Variants in EIF3J observed in about 807,000 individuals in gnomAD.
EIF3J encodes the protein eukaryotic translation initiation factor 3 subunit J, also known as eukaryotic translation initiation factor 3, subunit 1 (alpha, 35kD).
In EIF3J, 15 loss-of-function variants were observed where a neutral mutation model predicts 39.0. The ratio of observed to expected loss-of-function variants is 0.38; its 90% CI spans 0.26 to 0.59. EIF3J has a LOEUF of 0.59. Ranked by LOEUF, EIF3J falls within the 20% of genes least tolerant of loss-of-function variation. The probability of loss-of-function intolerance (pLI) is 0.60; values close to 1 mark genes in which losing one functional copy is unlikely to be tolerated. For missense variants in EIF3J, 226 were observed against 308.6 expected (o/e 0.73, Z 2.00); for synonymous variants, 98 against 112.9 (o/e 0.87, Z 0.84).
chr15:44,537,584 G>A (rs907463176), intron 2 of EIF3J, among the ~76,000 whole-genome samples, 157 bp downstream of exon 2: 11 of 152,192 alleles, frequency 7.2e-5, no homozygotes, highest in Non-Finnish European at 1.3e-4. Context: ...TGCCGGCCAT[G>A]TGTGGGCCGA....
intron 2 of EIF3J, among the ~76,000 whole-genome samples, chr15:44,538,389 A>G (rs2081979272): frequency 6.6e-6 from 1 of 152,060 alleles, no homozygotes; most frequent in Non-Finnish European, 1.5e-5. Context: ...TGTGCAGATA[A>G]AGTTTTGTGT....
intron 7 of EIF3J, 57 bp downstream of exon 7, chr15:44,560,379 A>C: frequency 1.3e-6 from 2 of 1,491,938 alleles, no homozygotes; most frequent in Non-Finnish European, 1.8e-6. Context: ...TTATAGGTCT[A>C]ACAGTCAACA....
intron 6 of EIF3J, 34 bp downstream of exon 6, chr15:44,557,684 G>T: frequency 7.2e-7 from 1 of 1,382,558 alleles, no homozygotes; most frequent in South Asian, 1.9e-5. Context: ...CCTCTGGGTA[G>T]ATTTTTAGTA....
chr15:44,551,344 C>G (rs2082097427), intron 3 of EIF3J, 87 bp from the exon 4 acceptor site: 1 of 873,754 alleles, frequency 1.1e-6, no homozygotes, highest in Non-Finnish European at 1.8e-6. Flanking sequence ...GGTTTGGTCT[C>G]TTAATAGTAT....
chr15:44,542,712 T>C (rs952682878), intron 2 of EIF3J, among the ~76,000 whole-genome samples: 4 of 152,234 alleles, frequency 2.6e-5, no homozygotes, highest in African/African-American at 7.2e-5. Flanking sequence ...ATCTCTTTCA[T>C]AGAAATAGCT....
At chr15:44,553,314 A>C (rs956264707) in intron 4 of EIF3J, among the ~76,000 whole-genome samples, 1 of 151,780 alleles carries the variant, frequency 6.6e-6, no homozygotes, top group Non-Finnish European at 1.5e-5. Flanking sequence ...AACACGGTGA[A>C]ACCCCGTCTC....
Position 44,552,567 on chromosome 15 carries a change from C to CT in EIF3J, c.294+1058dup, listed in dbSNP as rs200976026. Among the ~76,000 whole-genome samples the CT allele has an allele frequency of 1.1e-3, 162 of 141,330 alleles. 1 individual carries two copies. The highest frequency in any genetic ancestry group is 2.3e-3 in the Admixed American group (33 of 14,134). 92.7% of individuals were successfully genotyped at this position (141,330 alleles called of 152,430 possible). A position where few individuals can be genotyped will look rare whatever the true frequency, so the allele number is the denominator to read the frequency against. On this transcript the variant is annotated intron_variant, in intron 4 of 7. Transcript: ENST00000261868. ...GCCTATTTTCTATTTCTTTTCTTTTCTTTTTTTTTTTTTAGAGATGGAGTT... is the reference window on the plus strand; with the variant it reads ...GCCTATTTTCTATTTCTTTTCTTTTCTTTTTTTTTTTTTTAGAGATGGAGTT...
intron 2 of EIF3J, among the ~76,000 whole-genome samples, chr15:44,545,854 C>G (rs1200100456): frequency 1.3e-5 from 2 of 152,222 alleles, no homozygotes; most frequent in East Asian, 1.9e-4. Context: ...AGAGCAGGTC[C>G]CTTAGTTTTT....
intron 7 of EIF3J, 136 bp from the exon 8 acceptor site, chr15:44,560,882 T>G: frequency 1.6e-6 from 2 of 1,224,620 alleles, no homozygotes; most frequent in Non-Finnish European, 2.2e-6. Context: ...CCAAAACATG[T>G]AGGCTCGGAT....
At chr15:44,544,270 G>T (rs2082035473) in intron 2 of EIF3J, among the ~76,000 whole-genome samples, 1 of 151,006 alleles carries the variant, frequency 6.6e-6, no homozygotes, top group Non-Finnish European at 1.5e-5. Flanking sequence ...AATTTTTTTT[G>T]TATTTTTAGT....
chr15:44,554,696 TA>T, intron 5 of EIF3J, 29 bp downstream of exon 5: 4 of 1,458,704 alleles, frequency 2.7e-6, no homozygotes, highest in Non-Finnish European at 3.8e-6. Context: ...TGCAATACAG[TA>T]TTAAACTGTT....
In EIF3J at chr15:44,561,314, G is replaced by C. The variant is rs1229399050; in HGVS notation, c.*165G>C. The C allele has an allele frequency of 1.3e-6, 1 of 744,740 alleles. No individual in the cohort carries two copies. The highest frequency in any genetic ancestry group is 3.0e-5 in the Admixed American group (1 of 33,598). 46.1% of individuals were successfully genotyped at this position (744,740 alleles called of 1,614,324 possible). A position where few individuals can be genotyped will look rare whatever the true frequency, so the allele number is the denominator to read the frequency against. ...CACTTAGGTGCTAATGTGCAAATGA[G>C]GGAACTTGGATCTTGCTGCCAAGGG... On this transcript the variant is annotated 3_prime_UTR_variant, in exon 8 of 8. Transcript: ENST00000261868.
intron 5 of EIF3J, among the ~76,000 whole-genome samples, 180 bp downstream of exon 5, chr15:44,554,847 G>C (rs893052081): frequency 1.3e-5 from 2 of 152,160 alleles, no homozygotes; most frequent in African/African-American, 4.8e-5. Flanking sequence ...TTGAATAATT[G>C]TTTTGAGTAA....
At chr15:44,547,662 C>G (rs1413888981) in intron 2 of EIF3J, among the ~76,000 whole-genome samples, 1 of 151,744 alleles carries the variant, frequency 6.6e-6, no homozygotes, top group African/African-American at 2.4e-5. Flanking sequence ...GTTGGCCAGG[C>G]TGGTCTCAAA....
At chr15:44,556,852 G>A (rs1413123748) in intron 5 of EIF3J, among the ~76,000 whole-genome samples, 1 of 151,752 alleles carries the variant, frequency 6.6e-6, no homozygotes, top group Non-Finnish European at 1.5e-5. Context: ...TAGAGATGAG[G>A]TCTTGCTGTG....
Position 44,562,748 on chromosome 15 carries a change from T to C in EIF3J, c.*1599T>C. On this transcript the variant is annotated 3_prime_UTR_variant, in exon 8 of 8. Transcript: ENST00000261868. ...AAGATCAGTTTCTAACAAATGAAAATGTATCACCTGTTCCTTAACTGTGTA... is the reference window on the plus strand; with the variant it reads ...AAGATCAGTTTCTAACAAATGAAAACGTATCACCTGTTCCTTAACTGTGTA... 1 of 182,558 alleles carries C rather than the reference T, an allele frequency of 5.5e-6. No homozygotes were observed. Among genetic ancestry groups the C allele is most frequent in the Non-Finnish European group, 1.2e-5 (1 of 86,016 alleles). 11.3% of individuals were successfully genotyped at this position (182,558 alleles called of 1,614,324 possible).
chr15:44,560,276 C>A lies in EIF3J; in HGVS notation c.599C>A (p.Thr200Asn). The part of the protein sequence containing the change: ...SLEIDDLKKI[T>N]NSLTVLCSEK... The stretch of plus-strand genomic sequence containing the variant: ...GAAATTGATGACTTGAAAAAAATTA[C>A]CAATTCACTGACTGTGCTTTGCAGT... Residue 200 changes from threonine to asparagine, a missense_variant, in exon 7 of 8, where the codon ACC (threonine) becomes AAC (asparagine). Physicochemically the swap from Thr to Asn is moderately conservative, Grantham distance 65. Transcript: ENST00000261868. 6.2e-7 allele frequency: 1 copy of A among 1,603,952 alleles called. No individual in the cohort carries two copies.
At chr15:44,539,950 T>G (rs1327302472) in intron 2 of EIF3J, among the ~76,000 whole-genome samples, 1 of 147,994 alleles carries the variant, frequency 6.8e-6, no homozygotes, top group Non-Finnish European at 1.5e-5. Flanking sequence ...TTTCTTTTTT[T>G]TTTTTTTGAG....
At chr15:44,547,374 C>G (rs749228548) in intron 2 of EIF3J, among the ~76,000 whole-genome samples, 4 of 151,606 alleles carry the variant, frequency 2.6e-5, no homozygotes, top group Non-Finnish European at 5.9e-5. Flanking sequence ...CATTCCCGAC[C>G]TCAGGTGATC....
Sources: allele counts gnomAD v4.1 joint callset (sites outside exome capture counted in the v4.1 genomes callset), GRCh38; gene constraint gnomAD v4.1.1; transcripts MANE v1.5; gene names NCBI Gene and HGNC (gene_info 2026-07-23, HGNC 2026-07-21).